The following GLIS1 variants were observed in gnomAD, a reference collection of about 807,000 sequenced individuals.
GLIS1 encodes zinc finger protein GLIS1.
In GLIS1, 24 loss-of-function variants were observed where a neutral mutation model predicts 63.8. The observed-to-expected ratio is 0.38, with a 90% CI of 0.27 to 0.53. The LOEUF is 0.53. Among genes scored for constraint, GLIS1 ranks in the 20% least tolerant of loss-of-function variants. The probability of loss-of-function intolerance (pLI) is 0.85; values close to 1 mark genes in which losing one functional copy is unlikely to be tolerated. For missense variants in GLIS1, 1,036 were observed against 1,074.1 expected, an observed-to-expected ratio of 0.96 and a Z score of 0.50; for synonymous variants, 450 against 482.5, an observed-to-expected ratio of 0.93 and a Z score of 0.88.
intron 4 of GLIS1, among the ~76,000 whole-genome samples, chr1:53,563,951 T>C (rs1644914018): frequency 6.6e-6 from 1 of 152,238 alleles, no homozygotes; most frequent in Non-Finnish European, 1.5e-5. Context: ...ATCTTCTATC[T>C]ATCTTTCAAA....
At chr1:53,575,913 C>T (rs1645028068) in intron 4 of GLIS1, among the ~76,000 whole-genome samples, 1 of 152,098 alleles carries the variant, frequency 6.6e-6, no homozygotes, top group African/African-American at 2.4e-5. Context: ...CAAGGGGGTA[C>T]AGTGGGCACG....
intron 2 of GLIS1, among the ~76,000 whole-genome samples, chr1:53,685,690 G>T (rs887093442): frequency 1.3e-5 from 2 of 152,112 alleles, no homozygotes; most frequent in African/African-American, 4.8e-5. Flanking sequence ...CTCACCCTCA[G>T]CTTTCACATC....
chr1:53,638,457 C>A (rs1645750545), intron 2 of GLIS1, among the ~76,000 whole-genome samples: 2 of 152,194 alleles, frequency 1.3e-5, no homozygotes, highest in African/African-American at 2.4e-5. Flanking sequence ...ACAGGGTTAA[C>A]CAGGAGCCAC....
rs548547481 is a variant in GLIS1 at position 53,683,924 on chromosome 1, C to A, written c.259+53882G>T. Among the ~76,000 whole-genome samples the A allele has an allele frequency of 2.6e-5, 4 of 152,196 alleles. No homozygotes were observed. The East Asian group carries it at 7.7e-4, about 29-fold the overall frequency. On this transcript the variant is annotated intron_variant, in intron 2 of 10. Transcript: ENST00000628545. Reference sequence around the variant, plus strand: ...TCAGGGACTCTCCTGACCCACCCCGCCTGCCAGAGCTCGGACAATTTTATG... The same window carrying A: ...TCAGGGACTCTCCTGACCCACCCCGACTGCCAGAGCTCGGACAATTTTATG...
intron 2 of GLIS1, among the ~76,000 whole-genome samples, chr1:53,644,883 G>A (rs1174401585): frequency 1.3e-5 from 2 of 152,148 alleles, no homozygotes; most frequent in African/African-American, 4.8e-5. Context: ...AAAGGATCAC[G>A]CAGGCTGCTG....
chr1:53,718,639 C>A (rs996878691), intron 2 of GLIS1, among the ~76,000 whole-genome samples: 2 of 152,070 alleles, frequency 1.3e-5, no homozygotes, highest in African/African-American at 2.4e-5. Flanking sequence ...CCATCTCCAG[C>A]CCACACCACT....
chr1:53,685,134 G>A lies in GLIS1; in HGVS notation c.259+52672C>T, dbSNP rs553542292. ...CCCCCAGCAAAAAGGCCATGAGCAA[G>A]CAGGTAAAGGTGAAAGACAGCAAGA... On this transcript the variant is annotated intron_variant, in intron 2 of 10. Transcript: ENST00000628545. Among the ~76,000 whole-genome samples the A allele has an allele frequency of 3.9e-5, 6 of 152,280 alleles. No homozygotes were observed. In the East Asian group the frequency reaches 1.2e-3, roughly 29 times the overall value.
At chr1:53,690,547 T>C (rs1378470887) in intron 2 of GLIS1, among the ~76,000 whole-genome samples, 1 of 152,258 alleles carries the variant, frequency 6.6e-6, no homozygotes, top group Non-Finnish European at 1.5e-5. Flanking sequence ...GCAATGGACA[T>C]GACAGAACAA....
intron 2 of GLIS1, among the ~76,000 whole-genome samples, chr1:53,649,892 T>C (rs1325831969): frequency 6.6e-6 from 1 of 152,210 alleles, no homozygotes; most frequent in African/African-American, 2.4e-5. Context: ...AGTAGGTCAT[T>C]AGCAGTTAAG....
intron 4 of GLIS1, among the ~76,000 whole-genome samples, chr1:53,569,330 G>A (rs1389542102): frequency 2.6e-5 from 4 of 152,160 alleles, no homozygotes; most frequent in South Asian, 2.1e-4. Flanking sequence ...ATGTAGGTTC[G>A]TTGATCGTAA....
chr1:53,726,477 T>G (rs1033375562), intron 2 of GLIS1, among the ~76,000 whole-genome samples: 14 of 152,164 alleles, frequency 9.2e-5, no homozygotes, highest in Non-Finnish European at 1.9e-4. Flanking sequence ...AACAGGGTAG[T>G]CCTGGCATCT....
At chr1:53,587,095 C>A (rs1223200824) in intron 4 of GLIS1, among the ~76,000 whole-genome samples, 1 of 152,108 alleles carries the variant, frequency 6.6e-6, no homozygotes, top group Non-Finnish European at 1.5e-5. Context: ...GCATTCTAGA[C>A]AAAGGAATCA....
intron 2 of GLIS1, among the ~76,000 whole-genome samples, chr1:53,601,319 G>A (rs1645315551): frequency 6.6e-6 from 1 of 152,154 alleles, no homozygotes; most frequent in Non-Finnish European, 1.5e-5. Flanking sequence ...GAAACCTAGT[G>A]GATGCACCAA....
At chr1:53,717,560 C>G (rs951417563) in intron 2 of GLIS1, among the ~76,000 whole-genome samples, 2 of 152,138 alleles carry the variant, frequency 1.3e-5, no homozygotes, top group African/African-American at 4.8e-5. Context: ...TAAGGCAAAA[C>G]CCCCACTTCA....
At chr1:53,588,396 C>T (rs1012138377) in intron 4 of GLIS1, among the ~76,000 whole-genome samples, 7 of 152,192 alleles carry the variant, frequency 4.6e-5, no homozygotes, top group African/African-American at 1.7e-4. Context: ...TTTCCCACAG[C>T]CTAAACCTTC....
rs1039596986 is a variant in GLIS1, at chr1:53,535,869, C to G, written c.1321-5917G>C. 3.3e-5 allele frequency among the ~76,000 whole-genome samples: 5 copies of G among 152,048 alleles called. No homozygotes were observed. In the East Asian group the frequency reaches 7.7e-4, roughly 23 times the overall value. ...GCCTCAACATGTACAGATCCTCACCCTGGCATTCTGGCCAGCATGATCTGG... is the reference window on the plus strand; with the variant it reads ...GCCTCAACATGTACAGATCCTCACCGTGGCATTCTGGCCAGCATGATCTGG... On this transcript the variant is annotated intron_variant, in intron 4 of 10. Transcript: ENST00000628545.
intron 4 of GLIS1, among the ~76,000 whole-genome samples, chr1:53,545,847 G>A (rs984486262): frequency 7.2e-5 from 11 of 152,356 alleles, no homozygotes; most frequent in Non-Finnish European, 1.5e-4. Context: ...TCGCTGCAGA[G>A]GGCGGGACCC....
chr1:53,529,611 A>G (rs1211646533), intron 5 of GLIS1, among the ~76,000 whole-genome samples, 180 bp downstream of exon 5: 1 of 152,180 alleles, frequency 6.6e-6, no homozygotes, highest in Non-Finnish European at 1.5e-5. Context: ...GAGAGAGGCC[A>G]GGGATAACTG....
At position 53,514,694 on chromosome 1, in the gene GLIS1, G is replaced by T; in HGVS notation, c.1814C>A (p.Pro605Gln). ...GTGGGAACTGGTGGTGGCATCCAGCGGGTGGTGCCTGGAAGGTACGTCGTG... is the reference window on the plus strand; with the variant it reads ...GTGGGAACTGGTGGTGGCATCCAGCTGGTGGTGCCTGGAAGGTACGTCGTG... Reference protein sequence around the residue: ...PAHDVPSRHHPLDATTSSHHH... With the variant: ...PAHDVPSRHHQLDATTSSHHH... Residue 605 changes from proline (P) to glutamine (Q), a missense_variant, in exon 8 of 11, where the codon CCG (proline) becomes CAG (glutamine). By Grantham distance (76) the Pro-to-Gln change is moderately conservative (BLOSUM62 -1). Around this residue, in one of 3 missense-constraint regions of GLIS1, gnomAD observed 400 missense variants for 400.9 expected, o/e 1.00. Transcript: ENST00000628545. 1 of 1,613,876 alleles carries T rather than the reference G, an allele frequency of 6.2e-7. No individual in the cohort carries two copies.
Sources: gnomAD v4.1 joint callset for allele counts (sites outside exome capture counted in the v4.1 genomes callset) on GRCh38, gnomAD v4.1.1 for gene constraint, gnomAD v4.1.1 regional missense constraint, MANE v1.5 for transcripts, NCBI Gene and HGNC (gene_info 2026-07-23, HGNC 2026-07-21) for gene names.